Variants in SEPTIN11 observed in about 807,000 individuals in gnomAD.
The protein encoded by SEPTIN11 is septin-11.
A neutral mutation model predicts 51.4 loss-of-function variants in SEPTIN11; 25 were observed. That is an observed-to-expected ratio of 0.49 (90% CI 0.35 to 0.68). The LOEUF (loss-of-function observed/expected upper bound fraction) is 0.68. SEPTIN11 is among the 30% of genes least tolerant of loss of function. The pLI is 0.00. For synonymous variants in SEPTIN11, 174 were observed against 184.1 expected, an observed-to-expected ratio of 0.95 and a Z score of 0.44; for missense variants, 381 against 520.8, an observed-to-expected ratio of 0.73 and a Z score of 2.61.
intron 9 of SEPTIN11, chr4:77,032,170 A>C (rs748190418): frequency 2.6e-5 from 4 of 151,676 alleles, no homozygotes; most frequent in Non-Finnish European, 5.9e-5. Context: ...ATACTGAGAG[A>C]GTTTTAAATC....
At chr4:76,956,993 T>TGTGTGTGTGA (rs769320568) in intron 1 of SEPTIN11, among the ~76,000 whole-genome samples, 2,980 of 98,512 alleles carry the variant, frequency 0.03, 70 homozygotes, top group East Asian at 0.099. Context: ...TGTGTGTGTG[T>TGTGTGTGTGA]GAGAGAGAGA....
chr4:76,986,867 TC>T (rs762971891), intron 1 of SEPTIN11, among the ~76,000 whole-genome samples: 1 of 152,226 alleles, frequency 6.6e-6, no homozygotes, highest in East Asian at 1.9e-4. Flanking sequence ...AGCTTTTTTT[TC>T]TTTTGTAATA....
intron 1 of SEPTIN11, among the ~76,000 whole-genome samples, chr4:76,994,093 G>C (rs978013215): frequency 6.6e-6 from 1 of 152,134 alleles, no homozygotes; most frequent in African/African-American, 2.4e-5. Flanking sequence ...ATTATGTGGC[G>C]GTGGAGAGAG....
Position 76,949,794 on chromosome 4 carries a change from G to T in SEPTIN11, c.-110G>T. 1.6e-6 allele frequency: 2 copies of T among 1,233,882 alleles called. No homozygotes were observed. Among genetic ancestry groups the T allele is most frequent in the Non-Finnish European group, 2.2e-6 (2 of 895,384 alleles). The allele number at this position is 1,233,882 out of a possible 1,614,324, so 76.4% of individuals were successfully genotyped here. ...TGCCAGCGGGACGCCGGCGAGCAGA[G>T]CGCAGCCGCGAGGGAGGCGCGAGGG... On this transcript the variant is annotated 5_prime_UTR_variant, in exon 1 of 10. Transcript: ENST00000264893.
At chr4:77,019,311 A>C in intron 6 of SEPTIN11, 50 bp downstream of exon 6, 1 of 1,455,222 alleles carries the variant, frequency 6.9e-7, no homozygotes, top group Non-Finnish European at 9.4e-7. Flanking sequence ...CCCCTATGTG[A>C]ATGGCCGTGT....
intron 5 of SEPTIN11, among the ~76,000 whole-genome samples, chr4:77,016,725 A>C (rs1725339722): frequency 7.0e-6 from 1 of 143,044 alleles, no homozygotes; most frequent in Admixed American, 7.1e-5. Context: ...TGGAAGGCCG[A>C]GGAGGGAGGA....
intron 5 of SEPTIN11, among the ~76,000 whole-genome samples, chr4:77,018,491 C>T (rs1346278856): frequency 6.6e-6 from 1 of 151,888 alleles, no homozygotes; most frequent in Admixed American, 6.6e-5. Flanking sequence ...CTTTGAGATC[C>T]AGTGTATATT....
chr4:76,989,151 G>A (rs1460059340), intron 1 of SEPTIN11, among the ~76,000 whole-genome samples: 2 of 152,150 alleles, frequency 1.3e-5, no homozygotes, highest in Non-Finnish European at 2.9e-5. Flanking sequence ...GGAAACATAA[G>A]CCCGAGGATT....
In SEPTIN11 at chr4:77,035,845, C is replaced by G. The variant is rs1227685144; in HGVS notation, c.*1333C>G. On this transcript the variant is annotated 3_prime_UTR_variant, in exon 10 of 10. Transcript: ENST00000264893. ...TTTTCTATACTGCTCCTTTCTGATG[C>G]TTATCCTTTCATCTGTGTGATTGTT... is the stretch of plus-strand genomic sequence containing the variant. 8 of 985,856 alleles carry G rather than the reference C, an allele frequency of 8.1e-6. No homozygotes were observed. The African/African-American group carries it at 8.7e-5, about 11-fold the overall frequency. The allele number at this position is 985,856 out of a possible 1,614,324, so 61.1% of individuals were successfully genotyped here. A position where few individuals can be genotyped will look rare whatever the true frequency, so the allele number is the denominator to read the frequency against.
intron 8 of SEPTIN11, among the ~76,000 whole-genome samples, chr4:77,029,681 T>C (rs1205743567): frequency 6.6e-6 from 1 of 152,020 alleles, no homozygotes; most frequent in Non-Finnish European, 1.5e-5. Context: ...TCCTTTGCTT[T>C]TCTTCTTCCC....
chr4:76,965,775 C>T (rs1010332321), intron 1 of SEPTIN11, among the ~76,000 whole-genome samples: 2 of 152,112 alleles, frequency 1.3e-5, no homozygotes, highest in East Asian at 3.9e-4. Flanking sequence ...GATTTTCTCT[C>T]ATGACAGAGT....
At chr4:76,962,088 T>G (rs1211548221) in intron 1 of SEPTIN11, among the ~76,000 whole-genome samples, 1 of 152,186 alleles carries the variant, frequency 6.6e-6, no homozygotes, top group East Asian at 1.9e-4. Context: ...TGCAAAAAGT[T>G]GGAGCAAAAA....
At chr4:76,994,754 T>G (rs1723571427) in intron 1 of SEPTIN11, among the ~76,000 whole-genome samples, 1 of 152,176 alleles carries the variant, frequency 6.6e-6, no homozygotes, top group African/African-American at 2.4e-5. Flanking sequence ...GTCACATTTC[T>G]GTGCCTATAT....
intron 1 of SEPTIN11, 31 bp downstream of exon 1, chr4:76,949,961 C>T (rs1721247055): frequency 6.9e-7 from 1 of 1,442,242 alleles, no homozygotes; most frequent in Non-Finnish European, 9.1e-7. Context: ...TGCTGCTCCT[C>T]GGGCGCCGGG....
intron 7 of SEPTIN11, among the ~76,000 whole-genome samples, chr4:77,023,216 A>T (rs1048783040): frequency 6.6e-6 from 1 of 150,828 alleles, no homozygotes; most frequent in African/African-American, 2.4e-5. Flanking sequence ...CCCCACTTGG[A>T]TCCATTTCCC....
intron 1 of SEPTIN11, among the ~76,000 whole-genome samples, chr4:76,960,991 T>C (rs1306821843): frequency 6.6e-6 from 1 of 152,210 alleles, no homozygotes; most frequent in Non-Finnish European, 1.5e-5. Context: ...TTTGAGGACC[T>C]TCTGTGTTAC....
chr4:76,975,136 G>GAA (rs200578172), intron 1 of SEPTIN11, among the ~76,000 whole-genome samples: 2 of 112,778 alleles, frequency 1.8e-5, no homozygotes, highest in South Asian at 2.9e-4. Context: ...GAAGAAAAAA[G>GAA]AAAAAAAAAA....
chr4:76,953,974 C>T (rs1721454593), intron 1 of SEPTIN11, among the ~76,000 whole-genome samples: 1 of 152,130 alleles, frequency 6.6e-6, no homozygotes, highest in Admixed American at 6.5e-5. Flanking sequence ...TAAACTGCCA[C>T]CTAGAAACCA....
chr4:77,033,139 T>C (rs1726782620), intron 9 of SEPTIN11, among the ~76,000 whole-genome samples: 2 of 150,956 alleles, frequency 1.3e-5, no homozygotes, highest in Non-Finnish European at 2.9e-5. Flanking sequence ...CAACTGCCAG[T>C]GGAGGCCTGA....
Sources: allele counts gnomAD v4.1 joint callset (sites outside exome capture counted in the v4.1 genomes callset), GRCh38; gene constraint gnomAD v4.1.1; transcripts MANE v1.5; gene names NCBI Gene and HGNC (gene_info 2026-07-23, HGNC 2026-07-21).